The following PIK3C2G variants were observed in gnomAD, a reference collection of about 807,000 sequenced individuals.
PIK3C2G encodes the protein phosphatidylinositol 3-kinase C2 domain-containing subunit gamma.
Under a neutral mutation model 181.1 loss-of-function variants are expected in PIK3C2G, and 168 were observed. The observed-to-expected ratio is 0.93, with a 90% CI of 0.82 to 1.05. The LOEUF is 1.05. PIK3C2G is among the 50% of genes least tolerant of loss of function. PIK3C2G has a pLI of 0.00. For synonymous variants in PIK3C2G, 573 were observed against 592.2 expected, an observed-to-expected ratio of 0.97 and a Z score of 0.47; for missense variants, 1,869 against 1,732.8, an observed-to-expected ratio of 1.08 and a Z score of -1.40.
chr12:18,541,690 C>G (rs1944163399), intron 25 of PIK3C2G, among the ~76,000 whole-genome samples: 1 of 151,882 alleles, frequency 6.6e-6, no homozygotes, highest in African/African-American at 2.4e-5. Context: ...TATTCATTAC[C>G]TGTATCTGTT....
chr12:18,445,169 C>T (rs370110371), intron 18 of PIK3C2G, among the ~76,000 whole-genome samples: 1 of 151,850 alleles, frequency 6.6e-6, no homozygotes, highest in Admixed American at 6.6e-5. Context: ...AAGAAAAATT[C>T]AGAGACTTTT....
intron 5 of PIK3C2G, among the ~76,000 whole-genome samples, chr12:18,304,466 AG>A (rs1360917986): frequency 3.3e-5 from 5 of 152,172 alleles, no homozygotes; most frequent in Non-Finnish European, 5.9e-5. Flanking sequence ...CATGTTGGCC[AG>A]GCTGGTCTCA....
At chr12:18,391,986 A>G (rs1249271868) in intron 15 of PIK3C2G, among the ~76,000 whole-genome samples, 1 of 152,104 alleles carries the variant, frequency 6.6e-6, no homozygotes, top group Non-Finnish European at 1.5e-5. Context: ...GAATCATGTG[A>G]CCAGAAAAAT....
At chr12:18,393,644 T>A (rs760457032) in intron 15 of PIK3C2G, among the ~76,000 whole-genome samples, 1 of 152,178 alleles carries the variant, frequency 6.6e-6, no homozygotes, top group Non-Finnish European at 1.5e-5. Flanking sequence ...ACTTCTACCA[T>A]GAAGAATACC....
In PIK3C2G at chr12:18,553,073, C is replaced by G. The variant is rs78731000; in HGVS notation, c.3590+6641C>G. 3.3e-3 allele frequency among the ~76,000 whole-genome samples: 507 copies of G among 152,096 alleles called. 18 individuals are homozygous for G. In the East Asian group the frequency reaches 0.081, roughly 24 times the overall value. ...GTTTTATGCACAACAGCGCTGTGTACCTGTTAATCCCCATTGATATTTCTG... is the reference window on the plus strand; with the variant it reads ...GTTTTATGCACAACAGCGCTGTGTAGCTGTTAATCCCCATTGATATTTCTG... On this transcript the variant is annotated intron_variant, in intron 26 of 32. Coordinates refer to ENST00000538779, the MANE Select transcript of PIK3C2G (RefSeq NM_001288772.2).
intron 5 of PIK3C2G, among the ~76,000 whole-genome samples, chr12:18,311,656 A>G (rs139599309): frequency 0.01 from 1,539 of 152,224 alleles, 20 homozygotes; most frequent in African/African-American, 0.035. Context: ...ATCAAATACT[A>G]CATGAAATAT....
At chr12:18,533,689 T>C (rs890581181) in intron 24 of PIK3C2G, among the ~76,000 whole-genome samples, 10 of 152,116 alleles carry the variant, frequency 6.6e-5, no homozygotes, top group African/African-American at 2.2e-4. Flanking sequence ...CTTGCACAAA[T>C]CTATTATAGA....
chr12:18,550,999 T>C (rs1397773653), intron 26 of PIK3C2G, among the ~76,000 whole-genome samples: 1 of 152,110 alleles, frequency 6.6e-6, no homozygotes, highest in Non-Finnish European at 1.5e-5. Flanking sequence ...CTTGGACATA[T>C]CCATTCTAGG....
chr12:18,289,165 C>T (rs1483827757), intron 3 of PIK3C2G, among the ~76,000 whole-genome samples: 1 of 152,098 alleles, frequency 6.6e-6, no homozygotes, highest in Non-Finnish European at 1.5e-5. Context: ...GTGGCAAGCA[C>T]CCTTAATTCA....
chr12:18,305,277 A>G (rs530650473), intron 5 of PIK3C2G, among the ~76,000 whole-genome samples: 1 of 152,182 alleles, frequency 6.6e-6, no homozygotes. Context: ...TGTGCTAAAT[A>G]AAGTTTGTTT....
the PIK3C2G span, among the ~76,000 whole-genome samples, chr12:18,662,167 A>G: frequency 2.0e-5 from 3 of 152,048 alleles, no homozygotes; most frequent in Non-Finnish European, 4.4e-5. Context: ...AAAACCACCC[A>G]CTGGAGTTAA....
At chr12:18,364,473 T>C (rs1941494749) in intron 12 of PIK3C2G, among the ~76,000 whole-genome samples, 2 of 152,248 alleles carry the variant, frequency 1.3e-5, no homozygotes, top group Non-Finnish European at 2.9e-5. Context: ...TGTATGCTCC[T>C]ACCGAATAAT....
chr12:18,299,790 G>C (rs1950101534), intron 5 of PIK3C2G, among the ~76,000 whole-genome samples: 1 of 151,850 alleles, frequency 6.6e-6, no homozygotes, highest in African/African-American at 2.4e-5. Flanking sequence ...ATTGAGATGA[G>C]CATTTGGTTT....
At chr12:18,406,777 A>G (rs969776184) in intron 16 of PIK3C2G, among the ~76,000 whole-genome samples, 2 of 152,188 alleles carry the variant, frequency 1.3e-5, no homozygotes, top group Admixed American at 6.5e-5. Flanking sequence ...GGAAGGAAAA[A>G]TATGAATACA....
At chr12:18,510,193 A>G (rs767363609) in intron 24 of PIK3C2G, among the ~76,000 whole-genome samples, 27 of 152,020 alleles carry the variant, frequency 1.8e-4, no homozygotes, top group African/African-American at 5.8e-4. Context: ...CTGGTCTTCA[A>G]CTCCTAGGCT....
At chr12:18,607,532 C>T (rs1393005695) in intron 30 of PIK3C2G, among the ~76,000 whole-genome samples, 1 of 152,120 alleles carries the variant, frequency 6.6e-6, no homozygotes, top group Admixed American at 6.6e-5. Context: ...TTCCTTACAC[C>T]TTATACAAAA....
chr12:18,444,640 TAAC>T (rs1343908829), intron 18 of PIK3C2G, among the ~76,000 whole-genome samples: 2 of 152,126 alleles, frequency 1.3e-5, no homozygotes, highest in Non-Finnish European at 2.9e-5. Context: ...TGATGACAAA[TAAC>T]AACAATATCA....
chr12:18,304,978 G>A (rs193227101), intron 5 of PIK3C2G, among the ~76,000 whole-genome samples: 39 of 152,264 alleles, frequency 2.6e-4, no homozygotes, highest in African/African-American at 9.4e-4. Context: ...TCATAACTTT[G>A]AGCTATCTCA....
At chr12:18,637,662 C>T (rs1404311038) in intron 31 of PIK3C2G, among the ~76,000 whole-genome samples, 1 of 152,186 alleles carries the variant, frequency 6.6e-6, no homozygotes, top group Admixed American at 6.5e-5. Context: ...GACTGCAGGT[C>T]CTACTGTGAG....
Sources: gnomAD v4.1 joint callset for allele counts (sites outside exome capture counted in the v4.1 genomes callset) on GRCh38, gnomAD v4.1.1 for gene constraint, MANE v1.5 for transcripts, NCBI Gene and HGNC (gene_info 2026-07-23, HGNC 2026-07-21) for gene names.